The following HDAC9 variants were observed in gnomAD, a reference collection of about 807,000 sequenced individuals.
HDAC9 encodes the protein histone deacetylase 9.
In HDAC9, 41 loss-of-function variants were observed where a neutral mutation model predicts 139.4. The ratio of observed to expected loss-of-function variants is 0.29; its 90% CI spans 0.23 to 0.38. The LOEUF (loss-of-function observed/expected upper bound fraction) is 0.38, where lower values mean the gene tolerates loss of function less well. Ranked by LOEUF, HDAC9 falls within the 10% of genes least tolerant of loss-of-function variation. HDAC9 has a pLI of 1.00. For synonymous variants in HDAC9, 517 were observed against 476.2 expected (o/e 1.09, Z -1.12); for missense variants, 1,147 against 1,297.0 (o/e 0.88, Z 1.78).
At chr7:18,590,563 A>T (rs1285698189) in intron 4 of HDAC9, 77 bp downstream of exon 4, 4 of 1,415,608 alleles carry the variant, frequency 2.8e-6, no homozygotes. Flanking sequence ...AAGCCTGATA[A>T]AGAGTGCGGT....
rs185030795 is a variant in HDAC9 at position 18,593,529 on chromosome 7, A to G, written c.543-379A>G. 2.0e-5 allele frequency among the ~76,000 whole-genome samples: 3 copies of G among 152,228 alleles called. No individual in the cohort carries two copies. In the East Asian group the frequency reaches 5.8e-4, roughly 29 times the overall value. On this transcript the variant is annotated intron_variant, in intron 5 of 25. Transcript: ENST00000686413. ...TAAAATGAAGTCCTTGCGTATGTTT[A>G]CTATTACCTTGATTGTTTTATACTG...
intron 1 of HDAC9, among the ~76,000 whole-genome samples, chr7:18,154,653 G>GAA (rs1293743685): frequency 6.6e-6 from 1 of 152,172 alleles, no homozygotes; most frequent in Middle Eastern, 3.2e-3. Flanking sequence ...CATTTTACAA[G>GAA]AGCACTTTGC....
At chr7:18,750,581 C>T (rs1172101575) in intron 14 of HDAC9, among the ~76,000 whole-genome samples, 1 of 151,962 alleles carries the variant, frequency 6.6e-6, no homozygotes, top group African/African-American at 2.4e-5. Flanking sequence ...AAGTCTATTA[C>T]TCATTTTTTT....
At chr7:18,579,161 G>A (rs753770446) in intron 2 of HDAC9, among the ~76,000 whole-genome samples, 1 of 152,174 alleles carries the variant, frequency 6.6e-6, no homozygotes, top group Non-Finnish European at 1.5e-5. Flanking sequence ...GAACCAGCCT[G>A]CCATGGCAAA....
chr7:18,732,777 GTA>G, intron 13 of HDAC9, among the ~76,000 whole-genome samples: 2 of 80,780 alleles, frequency 2.5e-5, no homozygotes, highest in African/African-American at 1.3e-4. Flanking sequence ...GTGCGTATGT[GTA>G]CACACACGTG....
intron 14 of HDAC9, among the ~76,000 whole-genome samples, chr7:18,754,413 G>T (rs1788708554): frequency 6.6e-6 from 1 of 152,054 alleles, no homozygotes; most frequent in African/African-American, 2.4e-5. Flanking sequence ...AAATGCACTT[G>T]CAGTTGTTTT....
intron 1 of HDAC9, among the ~76,000 whole-genome samples, chr7:18,466,594 C>A (rs554627180): frequency 6.6e-6 from 1 of 152,152 alleles, no homozygotes; most frequent in Non-Finnish European, 1.5e-5. Context: ...CATCTCTGAC[C>A]GACTCCTCTG....
In HDAC9 at chr7:18,787,600, C is replaced by G. The variant is rs570565036; in HGVS notation, c.2215-5745C>G. Among the ~76,000 whole-genome samples the G allele has an allele frequency of 3.3e-5, 5 of 152,240 alleles. No homozygotes were observed. The East Asian group carries it at 9.7e-4, about 29-fold the overall frequency. On this transcript the variant is annotated intron_variant, in intron 16 of 25. Transcript: ENST00000686413. Reference sequence around the variant, plus strand: ...CATAAAGCAAGGCTTGGTAAAGATTCCAGAGGAATCTGAAGGTAGGAATAT... The same window carrying G: ...CATAAAGCAAGGCTTGGTAAAGATTGCAGAGGAATCTGAAGGTAGGAATAT...
chr7:18,441,487 C>T (rs1471625227), intron 1 of HDAC9, among the ~76,000 whole-genome samples: 1 of 152,062 alleles, frequency 6.6e-6, no homozygotes, highest in Non-Finnish European at 1.5e-5. Flanking sequence ...TTAAAATCTC[C>T]ATATTTTTCT....
At chr7:18,703,275 A>G (rs1383344695) in intron 12 of HDAC9, among the ~76,000 whole-genome samples, 2 of 152,176 alleles carry the variant, frequency 1.3e-5, no homozygotes, top group Non-Finnish European at 2.9e-5. Flanking sequence ...AAAAAAATTA[A>G]TGATATTATG....
At chr7:18,567,299 C>T (rs966661788) in intron 2 of HDAC9, among the ~76,000 whole-genome samples, 3 of 152,076 alleles carry the variant, frequency 2.0e-5, no homozygotes, top group African/African-American at 4.8e-5. Flanking sequence ...CTGGGCAAGG[C>T]GAGGAAACCT....
intron 1 of HDAC9, among the ~76,000 whole-genome samples, chr7:18,142,506 G>GGGACGTC (rs1785979276): frequency 6.6e-6 from 1 of 152,192 alleles, no homozygotes; most frequent in African/African-American, 2.4e-5. Context: ...CTGTTCTGTT[G>GGGACGTC]TTACTGGGAT....
chr7:18,104,560 A>AT (rs1562623315), intron 1 of HDAC9, among the ~76,000 whole-genome samples: 1 of 151,942 alleles, frequency 6.6e-6, no homozygotes, highest in African/African-American at 2.4e-5. Context: ...GACACCAAAT[A>AT]TTTTTTCAAT....
chr7:18,428,900 A>G (rs2128759595), intron 1 of HDAC9, among the ~76,000 whole-genome samples: 2 of 152,224 alleles, frequency 1.3e-5, no homozygotes, highest in Middle Eastern at 3.4e-3. Flanking sequence ...GTGCCTTTGC[A>G]TTTGCTGATC....
chr7:18,130,068 ACAGATGGAGTATCC>A (rs1423334633), intron 1 of HDAC9, among the ~76,000 whole-genome samples: 2 of 152,178 alleles, frequency 1.3e-5, no homozygotes, highest in African/African-American at 4.8e-5. Flanking sequence ...CATGGTACAT[ACAGATGGAGTATCC>A]CTTATCCAAA....
chr7:18,594,935 A>T (rs1035282552), intron 6 of HDAC9, among the ~76,000 whole-genome samples: 4 of 152,052 alleles, frequency 2.6e-5, no homozygotes, highest in African/African-American at 9.7e-5. Context: ...AGAAGTATAG[A>T]TTTATTTGTT....
chr7:18,811,403 C>T (rs889195482), intron 17 of HDAC9, among the ~76,000 whole-genome samples: 1 of 151,742 alleles, frequency 6.6e-6, no homozygotes, highest in Non-Finnish European at 1.5e-5. Context: ...CTAAATCCAG[C>T]TTTATCTACA....
chr7:18,886,135 C>T (rs1800129629), intron 22 of HDAC9, among the ~76,000 whole-genome samples: 1 of 152,138 alleles, frequency 6.6e-6, no homozygotes, highest in African/African-American at 2.4e-5. Flanking sequence ...AAGATTTATT[C>T]AAGTGAATGA....
intron 22 of HDAC9, among the ~76,000 whole-genome samples, chr7:18,934,132 C>T (rs1224204442): frequency 1.3e-5 from 2 of 152,102 alleles, no homozygotes; most frequent in South Asian, 2.1e-4. Context: ...GAAGGAAACG[C>T]CTGTAAAAAT....
Sources: allele counts gnomAD v4.1 joint callset (sites outside exome capture counted in the v4.1 genomes callset), GRCh38; gene constraint gnomAD v4.1.1; transcripts MANE v1.5; gene names NCBI Gene and HGNC (gene_info 2026-07-23, HGNC 2026-07-21).